ARHGEF38: variants seen among roughly 807,000 people sequenced by gnomAD.
ARHGEF38 encodes the protein Rho guanine nucleotide exchange factor 38.
A neutral mutation model predicts 79.9 loss-of-function variants in ARHGEF38; 79 were observed. That is an observed-to-expected ratio of 0.99 (90% confidence interval 0.82 to 1.19). ARHGEF38 has a LOEUF of 1.19. ARHGEF38 is among the 50% of genes most tolerant of loss of function. ARHGEF38 has a pLI of 0.00. For synonymous variants in ARHGEF38, 366 were observed against 328.3 expected (o/e 1.11, Z -1.24); for missense variants, 962 against 907.2 (o/e 1.06, Z -0.78).
chr4:105,682,353 A>G (rs1000844087), downstream of ARHGEF38: 1 of 162,522 alleles, frequency 6.2e-6, no homozygotes, highest in Non-Finnish European at 1.3e-5. Flanking sequence ...GGAAAATAGA[A>G]AACTATGTTG....
At chr4:105,619,130 A>G (rs1285467809) in intron 3 of ARHGEF38, among the ~76,000 whole-genome samples, 1 of 152,176 alleles carries the variant, frequency 6.6e-6, no homozygotes, top group Admixed American at 6.5e-5. Context: ...CAATGGGGCC[A>G]TATTTGAAAA....
chr4:105,575,039 A>G (rs1023585747), intron 1 of ARHGEF38, among the ~76,000 whole-genome samples: 2 of 150,568 alleles, frequency 1.3e-5, no homozygotes, highest in Non-Finnish European at 3.0e-5. Flanking sequence ...CACACACACC[A>G]TATTTTCTGT....
chr4:105,681,691 TAG>T (rs1032632058), downstream of ARHGEF38, among the ~76,000 whole-genome samples: 6 of 152,178 alleles, frequency 3.9e-5, no homozygotes, highest in Non-Finnish European at 7.4e-5. Flanking sequence ...GCTCGGCTTA[TAG>T]AGTTATTTAT....
intron 2 of ARHGEF38, among the ~76,000 whole-genome samples, chr4:105,590,663 C>T (rs1727293379): frequency 6.6e-6 from 1 of 151,990 alleles, no homozygotes. Flanking sequence ...GAATAAATTC[C>T]TAGAAATTAA....
chr4:105,597,172 G>A (rs1560710877), intron 2 of ARHGEF38, among the ~76,000 whole-genome samples: 1 of 151,950 alleles, frequency 6.6e-6, no homozygotes, highest in Admixed American at 6.6e-5. Flanking sequence ...AAGGACCAAG[G>A]CAAAAATATT....
intron 3 of ARHGEF38, among the ~76,000 whole-genome samples, chr4:105,629,111 G>T (rs1453339541): frequency 2.0e-5 from 3 of 152,068 alleles, no homozygotes; most frequent in African/African-American, 7.3e-5. Flanking sequence ...AAAACGACTA[G>T]TACCCTAAAA....
intron 13 of ARHGEF38, among the ~76,000 whole-genome samples, chr4:105,677,242 C>A (rs914401641): frequency 6.6e-6 from 1 of 152,142 alleles, no homozygotes; most frequent in Non-Finnish European, 1.5e-5. Context: ...GGATTACAGG[C>A]GTGAGCCACC....
intron 1 of ARHGEF38, among the ~76,000 whole-genome samples, chr4:105,572,422 A>G (rs1055424885): frequency 2.0e-5 from 3 of 152,148 alleles, no homozygotes; most frequent in Admixed American, 6.5e-5. Context: ...TAGCCACTTT[A>G]AAGTGTACAG....
chr4:105,659,479 T>G (rs1430490192), intron 10 of ARHGEF38, 114 bp downstream of exon 10: 3 of 1,066,374 alleles, frequency 2.8e-6, no homozygotes, highest in Non-Finnish European at 3.9e-6. Flanking sequence ...GTGGTGTGTG[T>G]GTATTTATTT....
chr4:105,589,510 CT>C, intron 2 of ARHGEF38, 75 bp downstream of exon 2: 1 of 1,334,656 alleles, frequency 7.5e-7, no homozygotes, highest in Non-Finnish European at 1.0e-6. Flanking sequence ...AATTGAAGCA[CT>C]CAGGTGTATC....
chr4:105,619,107 TA>T (rs950907147), intron 3 of ARHGEF38, among the ~76,000 whole-genome samples: 2 of 152,162 alleles, frequency 1.3e-5, no homozygotes, highest in African/African-American at 4.8e-5. Context: ...AAATTTTATT[TA>T]AAAAATTAAG....
chr4:105,630,835 T>A (rs1729154142), intron 3 of ARHGEF38, 63 bp from the exon 4 acceptor site: 1 of 1,443,910 alleles, frequency 6.9e-7, no homozygotes, highest in East Asian at 2.4e-5. Flanking sequence ...TTGTTGAAAA[T>A]AATCATGTGA....
At chr4:105,610,707 T>G (rs553211896) in intron 2 of ARHGEF38, among the ~76,000 whole-genome samples, 2 of 152,066 alleles carry the variant, frequency 1.3e-5, no homozygotes, top group African/African-American at 4.8e-5. Flanking sequence ...ATCAGGCCAA[T>G]TGATGTTTTA....
intron 10 of ARHGEF38, 148 bp from the exon 11 acceptor site, chr4:105,666,029 A>G: frequency 3.7e-6 from 2 of 541,674 alleles, no homozygotes; most frequent in Non-Finnish European, 2.8e-6. Context: ...ATTAGACCAT[A>G]TTTATCTAGA....
At position 105,645,254 on chromosome 4, in the gene ARHGEF38, C is replaced by A. The variant is rs191200593; in HGVS notation, c.741C>A (p.Tyr247Ter). 6.4e-4 allele frequency: 979 copies of A among 1,535,272 alleles called. 8 individuals carry two copies. In the Admixed American group the frequency reaches 7.9e-3, roughly 12 times the overall value. ...MIKPIQRVMKYPLLLCELRNS... is the reference protein window; with the variant it reads ...MIKPIQRVMK ...AACCAATTCAACGTGTGATGAAATA[C>A]CCCCTATTACTGTGCGAACTTCGGA... Residue 247 changes from tyrosine (Y) to a stop codon, truncating the protein, a stop_gained, in exon 6 of 14, where the codon TAC (tyrosine) becomes TAA (stop). Transcript: ENST00000420470. LOFTEE classifies it high-confidence loss of function.
rs1730752535 is a variant in ARHGEF38 at position 105,666,450 on chromosome 4, C to A, written c.1689+130C>A. 1.8e-5 allele frequency: 20 copies of A among 1,094,858 alleles called. No homozygotes were observed. In the South Asian group the frequency reaches 4.0e-4, roughly 22 times the overall value. The allele number at this position is 1,094,858 out of a possible 1,614,324, so 67.8% of individuals were successfully genotyped here. A position where few individuals can be genotyped will look rare whatever the true frequency, so the allele number is the denominator to read the frequency against. The stretch of plus-strand genomic sequence containing the variant: ...TATAATTTACATATGTGTAGAATTT[C>A]TTGTACATTTCTATCCTATATACCA... On this transcript the variant is annotated intron_variant, in intron 11 of 13. Coordinates refer to ENST00000420470, the MANE Select transcript of ARHGEF38 (RefSeq NM_001242729.2).
Position 105,679,057 on chromosome 4 carries a change from A to T in ARHGEF38, c.*1120A>T, listed in dbSNP as rs1329067557. On this transcript the variant is annotated 3_prime_UTR_variant, in exon 14 of 14. Transcript: ENST00000420470. ...AAATTAACTATCAAATACTCAGTCAAAACTCCATTTGTGGCCCCCACTTCT... is the reference window on the plus strand; with the variant it reads ...AAATTAACTATCAAATACTCAGTCATAACTCCATTTGTGGCCCCCACTTCT... 1 of 449,376 alleles carries T rather than the reference A, an allele frequency of 2.2e-6. No individual in the cohort carries two copies. The allele number at this position is 449,376 out of a possible 1,614,324, so 27.8% of individuals were successfully genotyped here.
intron 1 of ARHGEF38, among the ~76,000 whole-genome samples, chr4:105,570,420 A>T (rs1317705594): frequency 6.6e-6 from 1 of 152,208 alleles, no homozygotes; most frequent in African/African-American, 2.4e-5. Flanking sequence ...CTGCTGATAA[A>T]GACATACCTG....
chr4:105,673,901 A>G (rs964944150), intron 13 of ARHGEF38, among the ~76,000 whole-genome samples: 7 of 152,318 alleles, frequency 4.6e-5, no homozygotes, highest in Middle Eastern at 3.4e-3. Flanking sequence ...AGAGAGAATA[A>G]TGAGCATTTT....
Sources: gnomAD v4.1 joint callset for allele counts (sites outside exome capture counted in the v4.1 genomes callset) on GRCh38, gnomAD v4.1.1 for gene constraint, MANE v1.5 for transcripts, NCBI Gene and HGNC (gene_info 2026-07-23, HGNC 2026-07-21) for gene names.